Variants in CAMKMT observed in about 807,000 individuals in gnomAD.
The protein encoded by CAMKMT is calmodulin-lysine N-methyltransferase.
CAMKMT carries 53 observed loss-of-function variants against 48.0 expected under a neutral mutation model. The observed-to-expected ratio is 1.10, with a 90% CI of 0.89 to 1.39. The LOEUF (loss-of-function observed/expected upper bound fraction) is 1.39. Among genes scored for constraint, CAMKMT ranks in the 40% most tolerant of loss-of-function variants. CAMKMT has a pLI of 0.00. For missense variants in CAMKMT, 428 were observed against 402.7 expected, an observed-to-expected ratio of 1.06 and a Z score of -0.54; for synonymous variants, 165 against 152.3, an observed-to-expected ratio of 1.08 and a Z score of -0.61.
chr2:44,749,706 C>A (rs79378379), intron 8 of CAMKMT, among the ~76,000 whole-genome samples: 1,573 of 152,302 alleles, frequency 0.01, 25 homozygotes, highest in African/African-American at 0.036. Flanking sequence ...AGTCACACAG[C>A]AGCAACATCA....
At chr2:44,602,547 T>G (rs962324533) in intron 3 of CAMKMT, among the ~76,000 whole-genome samples, 4 of 152,092 alleles carry the variant, frequency 2.6e-5, no homozygotes, top group African/African-American at 7.3e-5. Context: ...TACCTGAGAC[T>G]GGGTAATTTA....
chr2:44,590,201 A>G (rs921907074), intron 3 of CAMKMT, among the ~76,000 whole-genome samples: 1 of 151,484 alleles, frequency 6.6e-6, no homozygotes, highest in East Asian at 1.9e-4. Flanking sequence ...ATCTATGTCT[A>G]TGGGGGATAT....
At chr2:44,670,244 A>G (rs1263736181) in intron 3 of CAMKMT, among the ~76,000 whole-genome samples, 6 of 152,170 alleles carry the variant, frequency 3.9e-5, no homozygotes, top group African/African-American at 9.7e-5. Context: ...GATGATTTTC[A>G]CTTACACAAA....
intron 1 of CAMKMT, among the ~76,000 whole-genome samples, chr2:44,372,348 G>A (rs976331212): frequency 1.3e-5 from 2 of 151,952 alleles, no homozygotes; most frequent in African/African-American, 2.4e-5. Flanking sequence ...AACCAGACGT[G>A]GTGGTGCATA....
rs145418485 is a variant in CAMKMT, at chr2:44,670,471, C to T, written c.377-33812C>T. 1.1e-4 allele frequency among the ~76,000 whole-genome samples: 17 copies of T among 152,028 alleles called. No individual in the cohort carries two copies. The East Asian group carries it at 2.5e-3, about 23-fold the overall frequency. On this transcript the variant is annotated intron_variant, in intron 3 of 10. Coordinates refer to ENST00000378494, the MANE Select transcript of CAMKMT (RefSeq NM_024766.5). The stretch of plus-strand genomic sequence containing the variant: ...CTGCACTCCAGACTGGGCAGCAGAG[C>T]GAGATCTTCTCTCTAAAAATAACAA...
chr2:44,666,029 A>T (rs1367392006), intron 3 of CAMKMT, among the ~76,000 whole-genome samples: 3 of 152,264 alleles, frequency 2.0e-5, no homozygotes, highest in Non-Finnish European at 4.4e-5. Flanking sequence ...AGCCATGTGA[A>T]TTTAGGAGAA....
intron 3 of CAMKMT, among the ~76,000 whole-genome samples, chr2:44,496,936 A>G (rs1300013028): frequency 3.3e-5 from 5 of 152,186 alleles, no homozygotes; most frequent in Admixed American, 6.5e-5. Flanking sequence ...TTAGTGTAAC[A>G]GTGGACTTAG....
intron 3 of CAMKMT, among the ~76,000 whole-genome samples, chr2:44,561,516 C>T (rs777237363): frequency 6.6e-6 from 1 of 152,170 alleles, no homozygotes; most frequent in African/African-American, 2.4e-5. Context: ...CTTGGGATAA[C>T]CTGGTGACAT....
intron 3 of CAMKMT, among the ~76,000 whole-genome samples, chr2:44,411,293 C>T (rs539600196): frequency 7.2e-5 from 11 of 152,024 alleles, no homozygotes; most frequent in Admixed American, 2.0e-4. Context: ...GTGACTATTG[C>T]GTGGCAAGTA....
At position 44,396,571 on chromosome 2, in the gene CAMKMT, G is replaced by T. The variant is rs2104432210; in HGVS notation, c.376+6266G>T. 2.0e-5 allele frequency among the ~76,000 whole-genome samples: 3 copies of T among 152,194 alleles called. No individual in the cohort carries two copies. The South Asian group carries it at 6.2e-4, about 32-fold the overall frequency. On this transcript the variant is annotated intron_variant, in intron 3 of 10. Coordinates refer to ENST00000378494, the MANE Select transcript of CAMKMT (RefSeq NM_024766.5). The stretch of plus-strand genomic sequence containing the variant: ...GAGATAATTTTTGCTTATCAGGTTG[G>T]CAAAGATGAAAGAAGTTAAGCAGTA...
At chr2:44,673,645 C>T (rs917645974) in intron 3 of CAMKMT, among the ~76,000 whole-genome samples, 11 of 151,926 alleles carry the variant, frequency 7.2e-5, no homozygotes, top group Non-Finnish European at 1.3e-4. Context: ...TAAACCAAGG[C>T]ACTTGCTGCA....
At chr2:44,550,737 G>T (rs894415314) in intron 3 of CAMKMT, 9 of 152,148 alleles carry the variant, frequency 5.9e-5, no homozygotes, top group Non-Finnish European at 1.2e-4. Context: ...GTCAAATTCT[G>T]TCACTTCCTC....
At chr2:44,470,180 T>C (rs1290697774) in intron 3 of CAMKMT, among the ~76,000 whole-genome samples, 2 of 152,204 alleles carry the variant, frequency 1.3e-5, no homozygotes, top group Admixed American at 6.5e-5. Context: ...TGTGTCAATA[T>C]AGCTTTTGTA....
chr2:44,377,180 T>A (rs1183320711), intron 2 of CAMKMT, among the ~76,000 whole-genome samples: 1 of 151,962 alleles, frequency 6.6e-6, no homozygotes, highest in Admixed American at 6.6e-5. Flanking sequence ...CTAATTTTTG[T>A]ATATTTTGTA....
intron 3 of CAMKMT, among the ~76,000 whole-genome samples, chr2:44,672,834 A>G (rs1675410645): frequency 6.6e-6 from 1 of 152,216 alleles, no homozygotes; most frequent in Non-Finnish European, 1.5e-5. Context: ...CTAAGCAATA[A>G]CAGTGTTTTA....
chr2:44,534,055 A>T (rs953448128), intron 3 of CAMKMT, among the ~76,000 whole-genome samples: 15 of 152,206 alleles, frequency 9.9e-5, no homozygotes, highest in African/African-American at 3.6e-4. Flanking sequence ...TGCAAACAGA[A>T]ACCAAAAGCA....
chr2:44,595,956 T>TG (rs973923131), intron 3 of CAMKMT, among the ~76,000 whole-genome samples: 8 of 92,052 alleles, frequency 8.7e-5, no homozygotes, highest in South Asian at 3.6e-4. Context: ...AACATGGGGC[T>TG]GGGGGGGCAT....
intron 3 of CAMKMT, among the ~76,000 whole-genome samples, chr2:44,425,227 T>A (rs769535922): frequency 6.6e-6 from 1 of 152,186 alleles, no homozygotes; most frequent in Non-Finnish European, 1.5e-5. Context: ...GGTTTTTAAA[T>A]GAATAAAACA....
chr2:44,542,061 G>A (rs1001541533), intron 3 of CAMKMT, among the ~76,000 whole-genome samples: 26 of 151,670 alleles, frequency 1.7e-4, no homozygotes, highest in East Asian at 1.9e-4. Flanking sequence ...ACCGGGAGGC[G>A]GAGGTTGCGG....
Sources: allele counts gnomAD v4.1 joint callset (sites outside exome capture counted in the v4.1 genomes callset), GRCh38; gene constraint gnomAD v4.1.1; transcripts MANE v1.5; gene names NCBI Gene and HGNC (gene_info 2026-07-23, HGNC 2026-07-21).